OSBPL10: variants seen among roughly 807,000 people sequenced by gnomAD.
OSBPL10 encodes oxysterol-binding protein-related protein 10.
In OSBPL10, 49 loss-of-function variants were observed where a neutral mutation model predicts 81.7. The ratio of observed to expected loss-of-function variants is 0.60; its 90% CI spans 0.48 to 0.76. OSBPL10 has a LOEUF of 0.76. Among genes scored for constraint, OSBPL10 ranks in the 30% least tolerant of loss-of-function variants. The pLI is 0.00. For missense variants in OSBPL10, 923 were observed against 987.8 expected, an observed-to-expected ratio of 0.93 and a Z score of 0.88; for synonymous variants, 419 against 383.6, an observed-to-expected ratio of 1.09 and a Z score of -1.08.
chr3:31,931,456 A>C (rs1177101979), intron 1 of OSBPL10, among the ~76,000 whole-genome samples: 1 of 152,106 alleles, frequency 6.6e-6, no homozygotes, highest in Non-Finnish European at 1.5e-5. Context: ...TTAAGAATGC[A>C]CCTATACTCC....
At chr3:32,046,151 G>A (rs1196728627) in intron 2 of OSBPL10, among the ~76,000 whole-genome samples, 1 of 152,232 alleles carries the variant, frequency 6.6e-6, no homozygotes. Flanking sequence ...AGGCCAAGGA[G>A]GGAGGATCAG....
intron 2 of OSBPL10, among the ~76,000 whole-genome samples, chr3:31,999,737 T>C (rs17028714): frequency 0.063 from 9,630 of 152,232 alleles, 596 homozygotes; most frequent in East Asian, 0.32. Context: ...GCCTCTGCTA[T>C]GCCCAGATGT....
chr3:31,781,399 G>A (rs1330779148), intron 4 of OSBPL10, among the ~76,000 whole-genome samples: 3 of 152,106 alleles, frequency 2.0e-5, no homozygotes, highest in Admixed American at 6.5e-5. Context: ...CTGAGAACTG[G>A]AACAAGACAA....
At chr3:31,907,791 C>A (rs1341806763) in intron 1 of OSBPL10, among the ~76,000 whole-genome samples, 1 of 152,048 alleles carries the variant, frequency 6.6e-6, no homozygotes, top group Non-Finnish European at 1.5e-5. Flanking sequence ...GCCAAAGACT[C>A]CTCTAGATGT....
At chr3:31,887,958 C>A (rs998256698) in intron 1 of OSBPL10, among the ~76,000 whole-genome samples, 2 of 152,170 alleles carry the variant, frequency 1.3e-5, no homozygotes, top group Non-Finnish European at 2.9e-5. Context: ...GAGATTCCAA[C>A]ACACCCCAGG....
intron 6 of OSBPL10, chr3:31,708,842 T>C (rs567873137): frequency 7.2e-5 from 71 of 985,426 alleles, no homozygotes; most frequent in Admixed American, 1.2e-4. Context: ...AGGGTGGATG[T>C]TCCACTTTGG....
At chr3:31,860,670 G>A (rs1559495534) in intron 3 of OSBPL10, among the ~76,000 whole-genome samples, 1 of 151,914 alleles carries the variant, frequency 6.6e-6, no homozygotes, top group Non-Finnish European at 1.5e-5. Context: ...TTCTCTTTCT[G>A]TTTTTTGTTG....
intron 1 of OSBPL10, among the ~76,000 whole-genome samples, chr3:31,889,141 C>CA (rs1309897265): frequency 6.6e-6 from 1 of 151,908 alleles, no homozygotes; most frequent in Admixed American, 6.6e-5. Context: ...ATCAAAAAGA[C>CA]AAAAAATAAC....
chr3:32,041,625 CTTTCTTTCTTTCTCTTTCTTTCTT>C (rs1271363979), intron 2 of OSBPL10, among the ~76,000 whole-genome samples: 6 of 104,628 alleles, frequency 5.7e-5, no homozygotes, highest in Non-Finnish European at 1.2e-4. Context: ...CACTGAGTTT[CTTTCTTTCTTTCTCTTTCTTTCTT>C]TTTCTTTCTT....
intron 1 of OSBPL10, among the ~76,000 whole-genome samples, chr3:31,905,793 GA>G (rs201404710): frequency 2.2e-5 from 3 of 136,652 alleles, no homozygotes; most frequent in Non-Finnish European, 3.1e-5. Context: ...TACCACTCTA[GA>G]AAAAAAAATA....
Position 31,881,250 on chromosome 3 carries a change from T to C in OSBPL10, c.282-1420A>G, listed in dbSNP as rs373766293. On this transcript the variant is annotated intron_variant, in intron 1 of 11. Coordinates refer to ENST00000396556, the MANE Select transcript of OSBPL10 (RefSeq NM_017784.5). ...CCACAGCGCCCAGCAGTGTGCCTGA[T>C]AGTTCATTGCTACTCAGTTAGCACT... Among the ~76,000 whole-genome samples, 25 of 152,320 alleles carry C rather than the reference T, an allele frequency of 1.6e-4. No homozygotes were observed. The East Asian group carries it at 3.7e-3, about 22-fold the overall frequency.
intron 7 of OSBPL10, among the ~76,000 whole-genome samples, chr3:31,686,896 T>A (rs1386632493): frequency 1.3e-5 from 2 of 152,118 alleles, no homozygotes; most frequent in Non-Finnish European, 2.9e-5. Context: ...CACTTAGCTG[T>A]CCAATAGCAG....
At chr3:31,965,894 T>TATTATATAAAATAGATAATATATAA (rs1559535502) in intron 1 of OSBPL10, among the ~76,000 whole-genome samples, 945 of 78,250 alleles carry the variant, frequency 0.012, 57 homozygotes, top group African/African-American at 0.077. Flanking sequence ...ATAACATATA[T>TATTATATAAAATAGATAATATATAA]TATATATTAT....
rs1409606729 is a variant in OSBPL10, at chr3:31,965,714, TATATA to T, written c.281+15180_281+15184del. On this transcript the variant is annotated intron_variant, in intron 1 of 11. Coordinates refer to ENST00000396556, the MANE Select transcript of OSBPL10 (RefSeq NM_017784.5). ...AAAATATATAATATATTATATAAAA[TATATA>T]ATATAATATATATTATCTATTTATA... 1.5e-4 allele frequency among the ~76,000 whole-genome samples: 10 copies of T among 66,584 alleles called. 3 individuals carry two copies. Among genetic ancestry groups the T allele is most frequent in the African/African-American group, 2.0e-4 (3 of 14,744 alleles). 43.7% of individuals were successfully genotyped at this position (66,584 alleles called of 152,430 possible). A position where few individuals can be genotyped will look rare whatever the true frequency, so the allele number is the denominator to read the frequency against.
At chr3:31,712,151 A>C (rs1696274880) in intron 6 of OSBPL10, among the ~76,000 whole-genome samples, 3 of 152,220 alleles carry the variant, frequency 2.0e-5, no homozygotes. Context: ...AATAGGACTC[A>C]TTCCCTTGGA....
intron 6 of OSBPL10, among the ~76,000 whole-genome samples, chr3:31,725,593 T>C (rs147886551): frequency 4.6e-5 from 7 of 152,320 alleles, no homozygotes; most frequent in African/African-American, 1.7e-4. Context: ...ACCTGTTAGA[T>C]AGCAATCAAG....
At chr3:32,026,348 G>T (rs1699413876) in intron 2 of OSBPL10, among the ~76,000 whole-genome samples, 1 of 152,066 alleles carries the variant, frequency 6.6e-6, no homozygotes, top group Admixed American at 6.6e-5. Flanking sequence ...GTGTTGCCCA[G>T]GCTAGTTTCA....
At chr3:32,050,543 C>T (rs1314049273) in intron 1 of OSBPL10, among the ~76,000 whole-genome samples, 1 of 152,168 alleles carries the variant, frequency 6.6e-6, no homozygotes, top group African/African-American at 2.4e-5. Flanking sequence ...ATGGTTAAGT[C>T]ATAACCTTAG....
chr3:31,912,162 G>A (rs1312947499), intron 1 of OSBPL10, among the ~76,000 whole-genome samples: 5 of 152,120 alleles, frequency 3.3e-5, no homozygotes, highest in African/African-American at 7.2e-5. Flanking sequence ...TTGGGGGGCC[G>A]AGGCAGGCAG....
Sources: allele counts gnomAD v4.1 joint callset (sites outside exome capture counted in the v4.1 genomes callset), GRCh38; gene constraint gnomAD v4.1.1; transcripts MANE v1.5; gene names NCBI Gene and HGNC (gene_info 2026-07-23, HGNC 2026-07-21).